The following RBMS2 variants were observed in gnomAD, a reference collection of about 807,000 sequenced individuals.
RBMS2 encodes RNA binding motif single stranded interacting protein 2, also known as RNA-binding motif, single-stranded-interacting protein 2.
Under a neutral mutation model 58.4 loss-of-function variants are expected in RBMS2, and 38 were observed. The ratio of observed to expected loss-of-function variants is 0.65; its 90% CI spans 0.50 to 0.85. The LOEUF (loss-of-function observed/expected upper bound fraction) is 0.85, where lower values mean the gene tolerates loss of function less well. Ranked by LOEUF, RBMS2 falls within the 40% of genes least tolerant of loss-of-function variation. The pLI is 0.00. For synonymous variants in RBMS2, 151 were observed against 180.7 expected, an observed-to-expected ratio of 0.84 and a Z score of 1.32; for missense variants, 367 against 503.7, an observed-to-expected ratio of 0.73 and a Z score of 2.60.
chr12:56,562,880 T>C (rs1179320782), intron 2 of RBMS2, among the ~76,000 whole-genome samples: 1 of 152,206 alleles, frequency 6.6e-6, no homozygotes, highest in Non-Finnish European at 1.5e-5. Flanking sequence ...CCCAGCACTT[T>C]GGGAGGCCTA....
chr12:56,570,036 A>G, intron 4 of RBMS2, 46 bp downstream of exon 4: 1 of 1,533,644 alleles, frequency 6.5e-7, no homozygotes, highest in Non-Finnish European at 9.0e-7. Flanking sequence ...GTTTGTGGTT[A>G]GCACCAAAGT....
chr12:56,582,909 A>G (rs1017139439), intron 9 of RBMS2, among the ~76,000 whole-genome samples: 3 of 151,950 alleles, frequency 2.0e-5, no homozygotes, highest in African/African-American at 7.2e-5. Context: ...ACCTCAGGTG[A>G]TCCGCCCGCC....
chr12:56,587,374 G>T (rs1884817504), intron 10 of RBMS2, among the ~76,000 whole-genome samples, 180 bp from the exon 11 acceptor site: 1 of 152,078 alleles, frequency 6.6e-6, no homozygotes. Flanking sequence ...CTTAGACGAG[G>T]GTCCTTCCAC....
At chr12:56,579,955 A>T (rs908889495) in intron 5 of RBMS2, among the ~76,000 whole-genome samples, 4 of 152,012 alleles carry the variant, frequency 2.6e-5, no homozygotes, top group Non-Finnish European at 4.4e-5. Context: ...TTTGAGACGG[A>T]GTCTTGCTCT....
chr12:56,560,443 C>T (rs531143454), intron 1 of RBMS2, among the ~76,000 whole-genome samples: 1 of 151,752 alleles, frequency 6.6e-6, no homozygotes, highest in Non-Finnish European at 1.5e-5. Context: ...TTTTAATAGA[C>T]AGGGTTTCAC....
intron 2 of RBMS2, among the ~76,000 whole-genome samples, chr12:56,567,615 C>G (rs1010715365): frequency 6.6e-6 from 1 of 151,950 alleles, no homozygotes; most frequent in African/African-American, 2.4e-5. Flanking sequence ...GGCAGCAGGA[C>G]TGCTTGAGGC....
chr12:56,529,789 A>G (rs1873366971), intron 1 of RBMS2, among the ~76,000 whole-genome samples: 1 of 152,212 alleles, frequency 6.6e-6, no homozygotes, highest in Non-Finnish European at 1.5e-5. Context: ...GTGGTTGCCT[A>G]GGGCTTAGTG....
rs892594309 is a variant in RBMS2 at position 56,592,972 on chromosome 12, C to A, written c.*3839C>A. 6.6e-6 allele frequency: 1 copy of A among 151,904 alleles called. No individual in the cohort carries two copies. Among genetic ancestry groups the A allele is most frequent in the Non-Finnish European group, 1.5e-5 (1 of 68,010 alleles). 9.4% of individuals were successfully genotyped at this position (151,904 alleles called of 1,614,324 possible). ...CAGGCACATACTACCAAGCCCAGTTCGTTATTTTAAGTTTTTGTAGAGACA... is the reference window on the plus strand; with the variant it reads ...CAGGCACATACTACCAAGCCCAGTTAGTTATTTTAAGTTTTTGTAGAGACA... On this transcript the variant is annotated 3_prime_UTR_variant, in exon 14 of 14. Transcript: ENST00000262031.
At chr12:56,577,456 A>AATTATT (rs138810999) in intron 5 of RBMS2, among the ~76,000 whole-genome samples, 2,139 of 145,708 alleles carry the variant, frequency 0.015, 29 homozygotes, top group East Asian at 0.032. Context: ...GTTCATACAA[A>AATTATT]ATTATTATTA....
intron 2 of RBMS2, among the ~76,000 whole-genome samples, chr12:56,565,892 C>T (rs1160445121): frequency 6.6e-6 from 1 of 152,112 alleles, no homozygotes; most frequent in African/African-American, 2.4e-5. Context: ...GCAGCAGTGA[C>T]CCAGCTGTTG....
intron 1 of RBMS2, among the ~76,000 whole-genome samples, chr12:56,530,960 A>G (rs553536502): frequency 1.3e-5 from 2 of 152,204 alleles, no homozygotes; most frequent in Non-Finnish European, 2.9e-5. Context: ...TCACAGTCAA[A>G]ACTGTCTTTA....
chr12:56,572,313 C>G (rs1465861022), intron 5 of RBMS2, among the ~76,000 whole-genome samples: 1 of 147,590 alleles, frequency 6.8e-6, no homozygotes, highest in Non-Finnish European at 1.5e-5. Flanking sequence ...AAAAAAGGTT[C>G]ATTTTATTAT....
chr12:56,588,293 G>A lies in RBMS2; in HGVS notation c.1063-1G>A. The A allele has an allele frequency of 6.2e-7, 1 of 1,612,970 alleles. No individual in the cohort carries two copies. Among genetic ancestry groups the A allele is most frequent in the Non-Finnish European group, 8.5e-7 (1 of 1,179,008 alleles). On this transcript the variant is annotated splice_acceptor_variant, in intron 11 of 13. Coordinates refer to ENST00000262031, the MANE Select transcript of RBMS2 (RefSeq NM_002898.4). LOFTEE classifies it high-confidence loss of function. Reference sequence around the variant, plus strand: ...AAGCCTGTTGATGTTTCTCTTTCTAGTATATGCCGACGGCTGCAGCTATGC... The same window carrying A: ...AAGCCTGTTGATGTTTCTCTTTCTAATATATGCCGACGGCTGCAGCTATGC...
intron 9 of RBMS2, among the ~76,000 whole-genome samples, chr12:56,585,593 T>A (rs752912539): frequency 2.0e-5 from 3 of 152,258 alleles, no homozygotes; most frequent in Non-Finnish European, 4.4e-5. Flanking sequence ...CTGAATAATA[T>A]TCCATTATAT....
Position 56,571,714 on chromosome 12 carries a change from C to T in RBMS2, c.401C>T (p.Pro134Leu). The T allele has an allele frequency of 6.4e-7, 1 of 1,565,396 alleles. No homozygotes were observed. Among genetic ancestry groups the T allele is most frequent in the Non-Finnish European group, 8.7e-7 (1 of 1,155,288 alleles). Residue 134 changes from proline to leucine, a missense_variant, in exon 5 of 14, where the codon CCC becomes CTC. Coordinates refer to ENST00000262031, the MANE Select transcript of RBMS2 (RefSeq NM_002898.4). ...TTTCCACAGCAACAGGAACAGGACC[C>T]CACAAATTTATACATCTCAAACCTC... ...AQMAKQQEQD[P>L]TNLYISNLPL... is the part of the protein sequence containing the mutation.
Position 56,576,189 on chromosome 12 carries a change from T to C in RBMS2, c.542+4334T>C, listed in dbSNP as rs934149509. Among the ~76,000 whole-genome samples, 4 of 151,726 alleles carry C rather than the reference T, an allele frequency of 2.6e-5. No individual in the cohort carries two copies. In the South Asian group the frequency reaches 8.3e-4, roughly 32 times the overall value. On this transcript the variant is annotated intron_variant, in intron 5 of 13. Transcript: ENST00000262031. The stretch of plus-strand genomic sequence containing the variant: ...CCCATCTCCATTAAAAATACAAAGC[T>C]AGCCAGGAGTGGTAGTGTGCACCTG...
chr12:56,575,050 G>A (rs1882907207), intron 5 of RBMS2, among the ~76,000 whole-genome samples: 1 of 152,088 alleles, frequency 6.6e-6, no homozygotes, highest in African/African-American at 2.4e-5. Flanking sequence ...TCGGAAGGCT[G>A]ATGCTGGAGA....
In RBMS2 at chr12:56,588,939, G is replaced by A. The variant is rs777404766; in HGVS notation, c.1151G>A (p.Ser384Asn). Residue 384 changes from serine (S) to asparagine (N), a missense_variant, in exon 13 of 14, where the codon AGC becomes AAC. By Grantham distance (46) the Ser-to-Asn change is conservative. Transcript: ENST00000262031. ...PSSSVSVEESSGQQNQVAVDA... is the reference protein window; with the variant it reads ...PSSSVSVEESNGQQNQVAVDA... ...TCCTTGGCTATGGCACAGGAGAGCA[G>A]CGGCCAACAGAACCAAGTGGCAGTG... The A allele has an allele frequency of 1.9e-6, 3 of 1,614,192 alleles. No individual in the cohort carries two copies. In the South Asian group the frequency reaches 3.3e-5, roughly 18 times the overall value.
intron 1 of RBMS2, among the ~76,000 whole-genome samples, chr12:56,559,957 C>T (rs1592419416): frequency 2.7e-5 from 3 of 109,430 alleles, no homozygotes; most frequent in Non-Finnish European, 4.0e-5. Flanking sequence ...TGCAGTGGCA[C>T]GATTTCAGCT....
Sources: gnomAD v4.1 joint callset for allele counts (sites outside exome capture counted in the v4.1 genomes callset) on GRCh38, gnomAD v4.1.1 for gene constraint, MANE v1.5 for transcripts, NCBI Gene and HGNC (gene_info 2026-07-23, HGNC 2026-07-21) for gene names.